The following LRRC4C variants were observed in gnomAD, a reference collection of about 807,000 sequenced individuals.
LRRC4C encodes the protein leucine rich repeat containing 4C, also known as leucine-rich repeat-containing protein 4C.
In LRRC4C, 5 loss-of-function variants were observed where a neutral mutation model predicts 33.6. The ratio of observed to expected loss-of-function variants is 0.15; its 90% CI spans 0.08 to 0.31. The LOEUF is 0.31. Ranked by LOEUF, LRRC4C falls within the 10% of genes least tolerant of loss-of-function variation. LRRC4C has a pLI of 1.00. For synonymous variants in LRRC4C, 329 were observed against 302.0 expected, an observed-to-expected ratio of 1.09 and a Z score of -0.93; for missense variants, 560 against 796.7, an observed-to-expected ratio of 0.70 and a Z score of 3.58.
intron 1 of LRRC4C, among the ~76,000 whole-genome samples, chr11:41,225,453 A>C (rs1947488366): frequency 2.0e-5 from 3 of 152,098 alleles, no homozygotes; most frequent in African/African-American, 7.2e-5. Context: ...ATTAGAAAAA[A>C]ATATTTTAAA....
chr11:40,356,025 A>G (rs946093336), intron 3 of LRRC4C, among the ~76,000 whole-genome samples: 1 of 150,464 alleles, frequency 6.6e-6, no homozygotes, highest in Non-Finnish European at 1.5e-5. Context: ...CTGAGAAGTC[A>G]GACTCAATGG....
intron 1 of LRRC4C, among the ~76,000 whole-genome samples, chr11:41,328,927 T>C (rs1334771791): frequency 6.6e-6 from 1 of 152,188 alleles, no homozygotes; most frequent in Admixed American, 6.5e-5. Flanking sequence ...AAGTGACTTA[T>C]CCAATGAAAA....
intron 3 of LRRC4C, among the ~76,000 whole-genome samples, chr11:40,387,800 G>T (rs879083017): frequency 6.6e-6 from 1 of 152,144 alleles, no homozygotes; most frequent in Non-Finnish European, 1.5e-5. Flanking sequence ...GGTAATATTT[G>T]CATTTGTTGT....
intron 3 of LRRC4C, among the ~76,000 whole-genome samples, chr11:40,395,767 A>G (rs189194637): frequency 1.5e-4 from 23 of 152,252 alleles, no homozygotes; most frequent in Admixed American, 9.2e-4. Flanking sequence ...CGGTCAGATC[A>G]CTTGAGGCCA....
chr11:40,393,501 A>G (rs1381662114), intron 3 of LRRC4C, among the ~76,000 whole-genome samples: 3 of 152,150 alleles, frequency 2.0e-5, no homozygotes, highest in Non-Finnish European at 4.4e-5. Context: ...TGAACAACTT[A>G]ATAGACAGGG....
intron 3 of LRRC4C, among the ~76,000 whole-genome samples, chr11:40,417,914 C>T (rs180964341): frequency 5.9e-5 from 9 of 152,278 alleles, no homozygotes; most frequent in Admixed American, 2.6e-4. Flanking sequence ...TCTGGTATCA[C>T]GCAGAGCCAA....
chr11:41,040,469 C>T (rs1857366039), intron 1 of LRRC4C, among the ~76,000 whole-genome samples: 1 of 152,168 alleles, frequency 6.6e-6, no homozygotes, highest in Admixed American at 6.5e-5. Context: ...TAGCTAAGAA[C>T]TAATCAACGT....
In LRRC4C at chr11:40,369,877, A is replaced by G. The variant is rs182920608; in HGVS notation, c.-269-50156T>C. On this transcript the variant is annotated intron_variant, in intron 3 of 6. Transcript: ENST00000528697. ...GGTACAGGAAGCAAATACCTAAACA[A>G]CGTTTCTAAAATTTTAGTTTAAAGG... 5.8e-3 allele frequency among the ~76,000 whole-genome samples: 889 copies of G among 152,294 alleles called. 12 individuals are homozygous for G. Among genetic ancestry groups the G allele is most frequent in the Non-Finnish European group, 6.2e-3 (423 of 68,018 alleles).
rs536177484 is a variant in LRRC4C at position 40,497,298 on chromosome 11, G to A, written c.-270+150844C>T. Reference sequence around the variant, plus strand: ...GGATGCCTGTATTCCCAGCTACTTCGGAGGCTGAGGCAGGAGAATCGCTTG... The same window carrying A: ...GGATGCCTGTATTCCCAGCTACTTCAGAGGCTGAGGCAGGAGAATCGCTTG... On this transcript the variant is annotated intron_variant, in intron 3 of 6. Coordinates refer to ENST00000528697, the MANE Select transcript of LRRC4C (RefSeq NM_001258419.2). Among the ~76,000 whole-genome samples the A allele has an allele frequency of 2.6e-5, 4 of 152,028 alleles. No homozygotes were observed. In the East Asian group the frequency reaches 5.8e-4, roughly 22 times the overall value.
At chr11:40,816,476 T>C (rs1365916534) in intron 2 of LRRC4C, among the ~76,000 whole-genome samples, 2 of 152,132 alleles carry the variant, frequency 1.3e-5, no homozygotes, top group African/African-American at 4.8e-5. Flanking sequence ...CTTTTTTCAA[T>C]TGGAGAGGAA....
chr11:41,172,233 A>G (rs1473674538), intron 1 of LRRC4C, among the ~76,000 whole-genome samples: 1 of 152,204 alleles, frequency 6.6e-6, no homozygotes. Flanking sequence ...TAATCAATAA[A>G]GTCTGAATGC....
intron 5 of LRRC4C, among the ~76,000 whole-genome samples, chr11:40,171,918 G>T (rs998070988): frequency 2.0e-5 from 3 of 149,062 alleles, no homozygotes; most frequent in African/African-American, 7.3e-5. Context: ...CGACTTGGGA[G>T]GCTGAAGCAG....
intron 1 of LRRC4C, among the ~76,000 whole-genome samples, chr11:41,202,295 T>G (rs1276826580): frequency 6.6e-6 from 1 of 152,182 alleles, no homozygotes; most frequent in Admixed American, 6.5e-5. Context: ...GGGAAATGAT[T>G]TGGATTTCTC....
chr11:41,086,731 A>G (rs114447932), intron 1 of LRRC4C, among the ~76,000 whole-genome samples: 395 of 152,266 alleles, frequency 2.6e-3, no homozygotes, highest in African/African-American at 9.1e-3. Context: ...AAAAACTGCT[A>G]TGGTGACTTC....
At chr11:41,046,551 T>C (rs527674242) in intron 1 of LRRC4C, among the ~76,000 whole-genome samples, 4 of 152,176 alleles carry the variant, frequency 2.6e-5, no homozygotes, top group Non-Finnish European at 5.9e-5. Flanking sequence ...AGAACAGTCA[T>C]GGTTTGGCAT....
intron 1 of LRRC4C, among the ~76,000 whole-genome samples, chr11:41,436,259 T>C (rs1955424594): frequency 6.6e-6 from 1 of 152,206 alleles, no homozygotes; most frequent in Non-Finnish European, 1.5e-5. Flanking sequence ...ACTGAATACA[T>C]AGTAATTAGT....
At chr11:40,537,073 C>T (rs766921358) in intron 3 of LRRC4C, among the ~76,000 whole-genome samples, 8 of 152,104 alleles carry the variant, frequency 5.3e-5, no homozygotes, top group Non-Finnish European at 1.0e-4. Context: ...ATATGAGCTG[C>T]AAATATTAGC....
chr11:41,350,050 G>T (rs540750624), intron 1 of LRRC4C, among the ~76,000 whole-genome samples: 53 of 152,234 alleles, frequency 3.5e-4, no homozygotes, highest in Admixed American at 3.5e-3. Flanking sequence ...TCATAAGTCA[G>T]ATAGCCTCTG....
At chr11:40,861,276 G>A (rs553901582) in intron 2 of LRRC4C, among the ~76,000 whole-genome samples, 2 of 152,244 alleles carry the variant, frequency 1.3e-5, no homozygotes, top group Admixed American at 1.3e-4. Context: ...AGAGGTGTGT[G>A]GGAAGTCTTG....
Sources: gnomAD v4.1 joint callset for allele counts (sites outside exome capture counted in the v4.1 genomes callset) on GRCh38, gnomAD v4.1.1 for gene constraint, MANE v1.5 for transcripts, NCBI Gene and HGNC (gene_info 2026-07-23, HGNC 2026-07-21) for gene names.